Variants in GALNTL6 observed in about 807,000 individuals in gnomAD.
The protein encoded by GALNTL6 is polypeptide N-acetylgalactosaminyltransferase like 6.
In GALNTL6, 46 loss-of-function variants were observed where a neutral mutation model predicts 73.7. That is an observed-to-expected ratio of 0.62 (90% CI 0.49 to 0.80). The LOEUF (loss-of-function observed/expected upper bound fraction) is 0.80. GALNTL6 is among the 30% of genes least tolerant of loss of function. GALNTL6 has a pLI of 0.00. For missense variants in GALNTL6, 604 were observed against 755.0 expected, an observed-to-expected ratio of 0.80 and a Z score of 2.34; for synonymous variants, 259 against 263.7, an observed-to-expected ratio of 0.98 and a Z score of 0.17.
intron 8 of GALNTL6, among the ~76,000 whole-genome samples, chr4:172,910,000 T>C (rs1405364165): frequency 1.3e-5 from 2 of 151,826 alleles, no homozygotes; most frequent in African/African-American, 4.8e-5. Flanking sequence ...TCCAAGTCTA[T>C]TGGTAAGTGA....
intron 2 of GALNTL6, among the ~76,000 whole-genome samples, chr4:172,146,289 C>A (rs1030769369): frequency 2.0e-5 from 3 of 152,050 alleles, no homozygotes; most frequent in Non-Finnish European, 4.4e-5. Flanking sequence ...TTCTTTATGA[C>A]AATAAGGATT....
chr4:173,035,336 G>A (rs1222784731), intron 12 of GALNTL6, among the ~76,000 whole-genome samples: 1 of 152,050 alleles, frequency 6.6e-6, no homozygotes, highest in Non-Finnish European at 1.5e-5. Flanking sequence ...GTACCACCAG[G>A]CCCAGCTAAT....
intron 8 of GALNTL6, among the ~76,000 whole-genome samples, chr4:172,918,204 A>C (rs975123330): frequency 6.6e-6 from 1 of 152,120 alleles, no homozygotes; most frequent in African/African-American, 2.4e-5. Flanking sequence ...ACACTTGGAC[A>C]CAGAGTGGGG....
intron 5 of GALNTL6, among the ~76,000 whole-genome samples, chr4:172,517,630 A>T (rs1230686775): frequency 8.5e-5 from 13 of 152,110 alleles, no homozygotes; most frequent in Non-Finnish European, 1.8e-4. Flanking sequence ...TAGTTTTTAA[A>T]CTATATCCTT....
At chr4:171,922,546 T>A (rs977754093) in intron 2 of GALNTL6, among the ~76,000 whole-genome samples, 1 of 147,724 alleles carries the variant, frequency 6.8e-6, no homozygotes, top group African/African-American at 2.5e-5. Flanking sequence ...TTTTTTTTTT[T>A]ACATTGCTCC....
chr4:171,943,354 A>T (rs1738605976), intron 2 of GALNTL6, among the ~76,000 whole-genome samples: 1 of 152,180 alleles, frequency 6.6e-6, no homozygotes, highest in Non-Finnish European at 1.5e-5. Flanking sequence ...CAGAAATAGA[A>T]GTCAAATTTT....
chr4:172,606,549 GTATA>G (rs563209201), intron 5 of GALNTL6, among the ~76,000 whole-genome samples: 6 of 116,564 alleles, frequency 5.1e-5, no homozygotes, highest in Admixed American at 8.7e-5. Flanking sequence ...AGAAGGAAGT[GTATA>G]TATATATATA....
At chr4:172,654,231 T>C (rs1037641878) in intron 5 of GALNTL6, among the ~76,000 whole-genome samples, 23 of 152,314 alleles carry the variant, frequency 1.5e-4, no homozygotes, top group Admixed American at 1.2e-3. Context: ...TTGCTTAATG[T>C]CTCCTTTATT....
At chr4:171,925,374 A>G (rs1578977841) in intron 2 of GALNTL6, among the ~76,000 whole-genome samples, 1 of 152,182 alleles carries the variant, frequency 6.6e-6, no homozygotes, top group East Asian at 1.9e-4. Flanking sequence ...TGATCCAGCC[A>G]AAGATAATGG....
intron 10 of GALNTL6, among the ~76,000 whole-genome samples, chr4:172,960,207 T>C (rs1435052491): frequency 6.6e-6 from 1 of 152,226 alleles, no homozygotes; most frequent in Non-Finnish European, 1.5e-5. Context: ...GGCTGGGTTT[T>C]TATATTCGAC....
chr4:171,971,315 GT>G (rs1295982111), intron 2 of GALNTL6, among the ~76,000 whole-genome samples: 2 of 152,184 alleles, frequency 1.3e-5, no homozygotes, highest in African/African-American at 2.4e-5. Flanking sequence ...TAAGTGTTCA[GT>G]GTTGACTTGA....
intron 2 of GALNTL6, among the ~76,000 whole-genome samples, chr4:172,140,474 G>A (rs546259623): frequency 2.8e-4 from 42 of 152,050 alleles, no homozygotes; most frequent in South Asian, 1.2e-3. Context: ...ATTGTTCTAA[G>A]GGCTTAATAA....
Position 172,583,769 on chromosome 4 carries a change from C to T in GALNTL6, c.554-225592C>T, listed in dbSNP as rs749200549. 6.3e-4 allele frequency among the ~76,000 whole-genome samples: 95 copies of T among 151,658 alleles called. 1 individual carries two copies. The highest frequency in any genetic ancestry group is 1.3e-3 in the Non-Finnish European group (86 of 67,874). ...ACAAAAATTATCCGGGGGTGGCACACGCCTGTAATCCCAGCTACTCAGGAG... is the reference window on the plus strand; with the variant it reads ...ACAAAAATTATCCGGGGGTGGCACATGCCTGTAATCCCAGCTACTCAGGAG... On this transcript the variant is annotated intron_variant, in intron 5 of 12. Transcript: ENST00000506823.
chr4:172,725,021 A>G (rs887176720), intron 5 of GALNTL6, among the ~76,000 whole-genome samples: 5 of 152,090 alleles, frequency 3.3e-5, no homozygotes, highest in Non-Finnish European at 7.4e-5. Context: ...CCAACAGCCA[A>G]AATTTTCTGG....
At chr4:172,850,609 T>A (rs1743763408) in intron 7 of GALNTL6, among the ~76,000 whole-genome samples, 1 of 152,152 alleles carries the variant, frequency 6.6e-6, no homozygotes. Flanking sequence ...ATTCTGACAC[T>A]ATCTACCTGG....
At chr4:172,046,732 TGTTGA>T (rs1560899210) in intron 2 of GALNTL6, among the ~76,000 whole-genome samples, 1 of 152,274 alleles carries the variant, frequency 6.6e-6, no homozygotes, top group South Asian at 2.1e-4. Flanking sequence ...GTTTCTTTGC[TGTTGA>T]GTTATGTGAG....
intron 2 of GALNTL6, among the ~76,000 whole-genome samples, chr4:172,047,974 C>T (rs746528639): frequency 1.3e-5 from 2 of 152,012 alleles, no homozygotes; most frequent in Non-Finnish European, 2.9e-5. Flanking sequence ...CTTCAGTTTC[C>T]TGAAGCCCTC....
At chr4:172,109,975 T>C (rs1732807428) in intron 2 of GALNTL6, among the ~76,000 whole-genome samples, 1 of 152,240 alleles carries the variant, frequency 6.6e-6, no homozygotes, top group African/African-American at 2.4e-5. Context: ...ATAAAGAACT[T>C]GTCAAATAAA....
intron 2 of GALNTL6, among the ~76,000 whole-genome samples, chr4:172,217,326 T>C (rs750978717): frequency 5.9e-5 from 9 of 152,174 alleles, no homozygotes; most frequent in Non-Finnish European, 1.2e-4. Context: ...GGAGTCACAT[T>C]GGAAAGTAAG....
Sources: gnomAD v4.1 joint callset for allele counts (sites outside exome capture counted in the v4.1 genomes callset) on GRCh38, gnomAD v4.1.1 for gene constraint, MANE v1.5 for transcripts, NCBI Gene and HGNC (gene_info 2026-07-23, HGNC 2026-07-21) for gene names.